The following HELZ variants were observed in gnomAD, a reference collection of about 807,000 sequenced individuals.
HELZ encodes the protein ATP-dependent RNA helicase with zinc finger domain.
In HELZ, 23 loss-of-function variants were observed where a neutral mutation model predicts 218.2. That is an observed-to-expected ratio of 0.11 (90% CI 0.08 to 0.15). HELZ has a LOEUF of 0.15. HELZ is among the 10% of genes least tolerant of loss of function. The pLI is 1.00. For synonymous variants in HELZ, 814 were observed against 829.4 expected, an observed-to-expected ratio of 0.98 and a Z score of 0.32; for missense variants, 1,813 against 2,353.7, an observed-to-expected ratio of 0.77 and a Z score of 4.75.
At chr17:67,182,050 T>C (rs1350346611) in intron 12 of HELZ, among the ~76,000 whole-genome samples, 1 of 152,244 alleles carries the variant, frequency 6.6e-6, no homozygotes, top group Non-Finnish European at 1.5e-5. Flanking sequence ...AGCACATGCG[T>C]ACCTGCTAAC....
chr17:67,131,443 T>C (rs1169524601), intron 23 of HELZ, among the ~76,000 whole-genome samples: 1 of 152,168 alleles, frequency 6.6e-6, no homozygotes, highest in Non-Finnish European at 1.5e-5. Context: ...TTCAAAGAAA[T>C]AGCCTTCGAG....
chr17:67,227,338 A>G (rs1328721140), intron 3 of HELZ, among the ~76,000 whole-genome samples: 5 of 151,988 alleles, frequency 3.3e-5, no homozygotes, highest in African/African-American at 1.2e-4. Context: ...GACTACAGGC[A>G]CACACCACCA....
intron 3 of HELZ, among the ~76,000 whole-genome samples, chr17:67,221,935 G>A (rs1024333311): frequency 4.0e-5 from 6 of 151,112 alleles, no homozygotes; most frequent in Admixed American, 2.6e-4. Flanking sequence ...CCACACACTT[G>A]GGAATCATCC....
At position 67,149,924 on chromosome 17, in the gene HELZ, C is replaced by A. The variant is rs772245932; in HGVS notation, c.2418G>T (p.Met806Ile). The A allele has an allele frequency of 1.2e-6, 2 of 1,611,360 alleles. 1 individual carries two copies. Among genetic ancestry groups the A allele is most frequent in the South Asian group, 2.2e-5 (2 of 90,714 alleles). ...TGTTTTGAGTTGCTAATGCTAGAGG[C>A]ATAATGGTTTCACACTCCATGGCCT... The part of the protein sequence containing the change: ...AAQAMECETI[M>I]PLALATQNTR... The change falls in exon 19 of 33, where the codon ATG (methionine) becomes ATT (isoleucine). Residue 806 changes from methionine (M) to isoleucine (I), a missense_variant. Met to Ile is a conservative substitution (Grantham distance 10, BLOSUM62 1). Coordinates refer to ENST00000358691, the MANE Select transcript of HELZ (RefSeq NM_014877.4).
chr17:67,089,879 T>C (rs987201633), intron 31 of HELZ, among the ~76,000 whole-genome samples: 11 of 151,676 alleles, frequency 7.3e-5, no homozygotes, highest in Non-Finnish European at 1.3e-4. Context: ...GACAGCTTCA[T>C]TTCTTCCCTC....
chr17:67,123,366 A>C (rs1247262402), intron 25 of HELZ, among the ~76,000 whole-genome samples: 4 of 152,242 alleles, frequency 2.6e-5, no homozygotes, highest in Non-Finnish European at 4.4e-5. Context: ...TGAATTATAC[A>C]AAGCATTCCT....
intron 32 of HELZ, among the ~76,000 whole-genome samples, chr17:67,079,808 A>G (rs1425512564): frequency 6.6e-6 from 1 of 152,176 alleles, no homozygotes; most frequent in Non-Finnish European, 1.5e-5. Context: ...GTGTATGAAC[A>G]GTTTTCCTTG....
At chr17:67,147,937 C>T (rs982414052) in intron 20 of HELZ, among the ~76,000 whole-genome samples, 2 of 152,266 alleles carry the variant, frequency 1.3e-5, no homozygotes, top group African/African-American at 2.4e-5. Flanking sequence ...GCGCTTTCTC[C>T]CATACCATGC....
At chr17:67,116,768 C>A (rs1262201760) in intron 27 of HELZ, among the ~76,000 whole-genome samples, 1 of 152,130 alleles carries the variant, frequency 6.6e-6, no homozygotes, top group African/African-American at 2.4e-5. Context: ...GATTTCAATA[C>A]CCCTCCTCAG....
At chr17:67,231,497 G>A (rs775161384) in intron 3 of HELZ, among the ~76,000 whole-genome samples, 28 of 151,252 alleles carry the variant, frequency 1.9e-4, no homozygotes, top group Non-Finnish European at 2.9e-5. Context: ...GGAGGTTGAG[G>A]AAGGAGAATG....
chr17:67,166,264 G>A (rs2039140537), intron 15 of HELZ, among the ~76,000 whole-genome samples: 1 of 152,158 alleles, frequency 6.6e-6, no homozygotes, highest in Non-Finnish European at 1.5e-5. Context: ...TAAGGCTGTT[G>A]AGAAAAGCAG....
Position 67,123,070 on chromosome 17 carries a change from G to A in HELZ, c.3530C>T (p.Ser1177Phe). 1 of 1,613,286 alleles carries A rather than the reference G, an allele frequency of 6.2e-7. No individual in the cohort carries two copies. The highest frequency in any genetic ancestry group is 1.7e-5 in the Admixed American group (1 of 60,022). ...PLGPHPNLGKSPSPVQRIDPH... is the reference protein window; with the variant it reads ...PLGPHPNLGKFPSPVQRIDPH... ...ATCTATTCTTTGAACAGGGCTTGGA[G>A]ATTTTCCCAAATTTGGGTGAGGTCC... is the stretch of plus-strand genomic sequence containing the variant. The change falls in exon 26 of 33, where the codon TCT (serine) becomes TTT (phenylalanine). Residue 1177 changes from serine to phenylalanine, a missense_variant. Ser to Phe is a radical substitution (Grantham distance 155, BLOSUM62 -2). This residue lies in a region of HELZ where 938 missense variants were observed against 1,027.5 expected (regional missense o/e 0.91). Coordinates refer to ENST00000358691, the MANE Select transcript of HELZ (RefSeq NM_014877.4).
At chr17:67,176,854 A>T (rs1186331547) in intron 13 of HELZ, among the ~76,000 whole-genome samples, 1 of 151,854 alleles carries the variant, frequency 6.6e-6, no homozygotes, top group Non-Finnish European at 1.5e-5. Flanking sequence ...AATAGTAATA[A>T]TTTTTTTTAA....
At chr17:67,102,826 A>G (rs532714211) in intron 31 of HELZ, among the ~76,000 whole-genome samples, 28 of 152,220 alleles carry the variant, frequency 1.8e-4, no homozygotes, top group Non-Finnish European at 2.9e-4. Context: ...AACTGACCAA[A>G]TGTTTTTGCA....
chr17:67,180,078 T>C (rs1699246763), intron 12 of HELZ, among the ~76,000 whole-genome samples: 1 of 152,174 alleles, frequency 6.6e-6, no homozygotes, highest in South Asian at 2.1e-4. Context: ...CCTTTGCTCC[T>C]TGAAAAGCCA....
At chr17:67,086,129 C>G (rs1190685954) in intron 32 of HELZ, among the ~76,000 whole-genome samples, 1 of 152,166 alleles carries the variant, frequency 6.6e-6, no homozygotes, top group African/African-American at 2.4e-5. Flanking sequence ...ACTCACCCCC[C>G]TCAGCCCTGA....
At chr17:67,203,607 G>A (rs1297525018) in intron 5 of HELZ, among the ~76,000 whole-genome samples, 164 bp from the exon 6 acceptor site, 1 of 152,130 alleles carries the variant, frequency 6.6e-6, no homozygotes. Context: ...TCCAAAACAG[G>A]CATATAAGAA....
chr17:67,086,713 A>T, intron 32 of HELZ, 116 bp downstream of exon 32: 2 of 944,966 alleles, frequency 2.1e-6, no homozygotes, highest in African/African-American at 1.7e-5. Flanking sequence ...TAGCATCATT[A>T]AATATTGTTC....
intron 8 of HELZ, among the ~76,000 whole-genome samples, chr17:67,195,105 A>G (rs1398074237): frequency 6.6e-6 from 1 of 152,184 alleles, no homozygotes; most frequent in East Asian, 1.9e-4. Flanking sequence ...CTAGCTTAGG[A>G]CAGAGAGAGA....
Sources: allele counts gnomAD v4.1 joint callset (sites outside exome capture counted in the v4.1 genomes callset), GRCh38; gene constraint gnomAD v4.1.1; regional missense constraint gnomAD v4.1.1; transcripts MANE v1.5; gene names NCBI Gene and HGNC (gene_info 2026-07-23, HGNC 2026-07-21).